ZNF266: variants seen among roughly 807,000 people sequenced by gnomAD.
The protein encoded by ZNF266 is zinc finger protein 266.
ZNF266 carries 16 observed loss-of-function variants against 16.4 expected under a neutral mutation model. The observed-to-expected ratio is 0.98, with a 90% CI of 0.66 to 1.48. The LOEUF is 1.48. Ranked by LOEUF, ZNF266 falls within the 40% of genes most tolerant of loss-of-function variation. ZNF266 has a pLI of 0.00. For missense variants in ZNF266, 738 were observed against 689.1 expected, an observed-to-expected ratio of 1.07 and a Z score of -0.79; for synonymous variants, 262 against 237.9, an observed-to-expected ratio of 1.10 and a Z score of -0.93.
At chr19:9,418,422 G>T in intron 8 of ZNF266, 83 bp downstream of exon 8, 1 of 1,430,638 alleles carries the variant, frequency 7.0e-7, no homozygotes, top group Non-Finnish European at 9.9e-7. Context: ...TGTGTTCAGA[G>T]TTGCTATCTC....
intron 5 of ZNF266, among the ~76,000 whole-genome samples, chr19:9,430,560 T>C (rs2071441253): frequency 6.6e-6 from 1 of 152,164 alleles, no homozygotes; most frequent in Admixed American, 6.5e-5. Flanking sequence ...CCCTCCAACA[T>C]AACTGCCCTA....
chr19:9,429,818 C>G (rs1011402475), intron 5 of ZNF266, among the ~76,000 whole-genome samples: 3 of 152,202 alleles, frequency 2.0e-5, no homozygotes, highest in African/African-American at 7.2e-5. Flanking sequence ...ATGGAGATTA[C>G]TGTTTTCCCC....
At chr19:9,425,008 G>A (rs936467313) in intron 5 of ZNF266, among the ~76,000 whole-genome samples, 2 of 152,076 alleles carry the variant, frequency 1.3e-5, no homozygotes, top group African/African-American at 2.4e-5. Context: ...TACCCCCATC[G>A]TCTTTGTCTT....
chr19:9,413,837 T>C lies in ZNF266; in HGVS notation c.1289A>G (p.Gln430Arg), dbSNP rs372747394. ...KCKDCGKAFTQNSDLTKHART... is the reference protein window; with the variant it reads ...KCKDCGKAFTRNSDLTKHART... ...TGCATGCTTAGTAAGGTCTGAGTTC[T>C]GAGTGAAGGCTTTCCCACAATCCTT... is the stretch of plus-strand genomic sequence containing the variant. Residue 430 changes from glutamine to arginine, a missense_variant, in exon 11 of 11, where the codon CAG (glutamine) becomes CGG (arginine). Coordinates refer to ENST00000592904, the MANE Select transcript of ZNF266 (RefSeq NM_001370374.1). 2 of 1,613,964 alleles carry C rather than the reference T, an allele frequency of 1.2e-6. No individual in the cohort carries two copies. The highest frequency in any genetic ancestry group is 1.7e-6 in the Non-Finnish European group (2 of 1,179,990).
At chr19:9,425,160 A>T (rs749622150) in intron 5 of ZNF266, among the ~76,000 whole-genome samples, 59 of 152,158 alleles carry the variant, frequency 3.9e-4, no homozygotes, top group Non-Finnish European at 5.9e-4. Context: ...ATAAATAAGA[A>T]CTTTCCTTTG....
At chr19:9,431,407 A>C (rs1267912850) in intron 5 of ZNF266, among the ~76,000 whole-genome samples, 2 of 152,140 alleles carry the variant, frequency 1.3e-5, no homozygotes, top group Non-Finnish European at 2.9e-5. Flanking sequence ...CCCTCATGAC[A>C]CAGACAATGC....
rs1312512950 is a variant in ZNF266 at position 9,415,653 on chromosome 19, C to A, written c.405+1G>T. 1 of 1,608,310 alleles carries A rather than the reference C, an allele frequency of 6.2e-7. No individual in the cohort carries two copies. Among genetic ancestry groups the A allele is most frequent in the Non-Finnish European group, 8.5e-7 (1 of 1,175,534 alleles). On this transcript the variant is annotated splice_donor_variant, in intron 10 of 10. Transcript: ENST00000592904. LOFTEE classifies it high-confidence loss of function. ...CTAAGACGTATCCTTGTTAATCTTA[C>A]CATTTGAATCCCACTGGAGGTTGGC... is the stretch of plus-strand genomic sequence containing the variant.
chr19:9,417,843 T>C lies in ZNF266; in HGVS notation c.301A>G (p.Arg101Gly). 6 of 1,613,956 alleles carry C rather than the reference T, an allele frequency of 3.7e-6. No homozygotes were observed. Among genetic ancestry groups the C allele is most frequent in the Non-Finnish European group, 5.1e-6 (6 of 1,179,872 alleles). ...LEQEESRTVQRGDFQASEWKV... is the reference protein window; with the variant it reads ...LEQEESRTVQGGDFQASEWKV... ...GAACACTCACCTTGGAAATCACCTC[T>C]CTGCACTGTCCTAGACTCTTCTTGT... The change falls in exon 9 of 11, where the codon AGA (arginine) becomes GGA (glycine). Residue 101 changes from arginine to glycine, a missense_variant. Transcript: ENST00000592904.
intron 5 of ZNF266, among the ~76,000 whole-genome samples, chr19:9,421,468 G>A (rs921424668): frequency 6.6e-6 from 1 of 152,146 alleles, no homozygotes; most frequent in Admixed American, 6.5e-5. Context: ...TTTGACAATC[G>A]CATACACTTG....
chr19:9,415,938 C>T (rs1411143007), intron 9 of ZNF266, among the ~76,000 whole-genome samples, 196 bp from the exon 10 acceptor site: 1 of 152,136 alleles, frequency 6.6e-6, no homozygotes, highest in African/African-American at 2.4e-5. Context: ...ATTCTCCTGC[C>T]TCAGCCTCCT....
chr19:9,414,267 C>G lies in ZNF266; in HGVS notation c.859G>C (p.Gly287Arg), dbSNP rs2068653219. The G allele has an allele frequency of 1.9e-6, 3 of 1,614,028 alleles. No homozygotes were observed. Among genetic ancestry groups the G allele is most frequent in the Middle Eastern group, 1.6e-4 (1 of 6,084 alleles). ...KPYKCKECGKGFRYSAYLNIH... is the reference protein window; with the variant it reads ...KPYKCKECGKRFRYSAYLNIH... ...TTAAGGTATGCAGAATATCTAAATC[C>G]TTTTCCACATTCCTTACATTTGTAG... The change falls in exon 11 of 11, where the codon GGA (glycine) becomes CGA (arginine). Residue 287 changes from glycine to arginine, a missense_variant. Coordinates refer to ENST00000592904, the MANE Select transcript of ZNF266 (RefSeq NM_001370374.1).
intron 10 of ZNF266, 86 bp from the exon 11 acceptor site, chr19:9,414,806 T>A (rs2068736430): frequency 7.2e-7 from 1 of 1,393,392 alleles, no homozygotes; most frequent in Admixed American, 2.4e-5. Flanking sequence ...AACACTGTGA[T>A]GATTATTATC....
In ZNF266 at chr19:9,414,402, A is replaced by G; in HGVS notation, c.724T>C (p.Leu242=). The part of the protein sequence containing the change: ...FINHSHLQGH[L]RTHNGESLHE... ...AGACTTTCTCCATTGTGAGTTCTTAAATGTCCCTGAAGGTGTGAATGATTA... is the reference window on the plus strand; with the variant it reads ...AGACTTTCTCCATTGTGAGTTCTTAGATGTCCCTGAAGGTGTGAATGATTA... The change falls in exon 11 of 11, where the codon TTA becomes CTA. Residue 242 remains leucine, a synonymous_variant. Coordinates refer to ENST00000592904, the MANE Select transcript of ZNF266 (RefSeq NM_001370374.1). The G allele has an allele frequency of 1.2e-6, 2 of 1,614,122 alleles. No homozygotes were observed. The highest frequency in any genetic ancestry group is 1.7e-6 in the Non-Finnish European group (2 of 1,180,032).
chr19:9,415,812 G>T, intron 9 of ZNF266, 70 bp from the exon 10 acceptor site: 2 of 1,302,668 alleles, frequency 1.5e-6, no homozygotes, highest in Non-Finnish European at 1.1e-6. Flanking sequence ...AAATGAGAGG[G>T]ATCATTTGTA....
intron 5 of ZNF266, among the ~76,000 whole-genome samples, chr19:9,432,401 C>T (rs1044292389): frequency 1.3e-5 from 2 of 152,190 alleles, no homozygotes; most frequent in African/African-American, 4.8e-5. Flanking sequence ...ACATCCTCAG[C>T]AACTTTATAT....
chr19:9,432,877 T>C (rs565630029), intron 5 of ZNF266, among the ~76,000 whole-genome samples: 1 of 152,072 alleles, frequency 6.6e-6, no homozygotes, highest in Non-Finnish European at 1.5e-5. Flanking sequence ...TGGGGCCAGC[T>C]TGCTAAGTGG....
At chr19:9,422,378 C>A (rs977006046) in intron 5 of ZNF266, among the ~76,000 whole-genome samples, 2 of 152,154 alleles carry the variant, frequency 1.3e-5, no homozygotes, top group African/African-American at 2.4e-5. Flanking sequence ...TGTTAAAGTA[C>A]ACCCAGACTA....
chr19:9,418,002 G>T, intron 8 of ZNF266, 94 bp from the exon 9 acceptor site: 2 of 1,285,612 alleles, frequency 1.6e-6, no homozygotes, highest in Non-Finnish European at 2.2e-6. Context: ...AATGGAAGCA[G>T]TGAAATTATT....
chr19:9,414,502 G>T lies in ZNF266; in HGVS notation c.624C>A (p.Asn208Lys), dbSNP rs1483031217. Reference sequence around the variant, plus strand: ...ACGTTCTCTGGCAAACAACATCTGGGTTCAGGCTGAAGGCTTTTCCACACT... The same window carrying T: ...ACGTTCTCTGGCAAACAACATCTGGTTTCAGGCTGAAGGCTTTTCCACACT... ...FSQCGKAFSL[N>K]PDVVCQRTCT... The change falls in exon 11 of 11, where the codon AAC becomes AAA. Residue 208 changes from asparagine to lysine, a missense_variant. Coordinates refer to ENST00000592904, the MANE Select transcript of ZNF266 (RefSeq NM_001370374.1). 2 of 1,614,202 alleles carry T rather than the reference G, an allele frequency of 1.2e-6. No homozygotes were observed. Among genetic ancestry groups the T allele is most frequent in the African/African-American group, 1.3e-5 (1 of 75,052 alleles).
Sources: allele counts gnomAD v4.1 joint callset (sites outside exome capture counted in the v4.1 genomes callset), GRCh38; gene constraint gnomAD v4.1.1; transcripts MANE v1.5; gene names NCBI Gene and HGNC (gene_info 2026-07-23, HGNC 2026-07-21).